CFAP20DC: variants seen among roughly 807,000 people sequenced by gnomAD.
CFAP20DC encodes CFAP20 domain containing, also known as protein CFAP20DC.
Under a neutral mutation model 101.7 loss-of-function variants are expected in CFAP20DC, and 84 were observed. The observed-to-expected ratio is 0.83, with a 90% CI of 0.69 to 0.99. The LOEUF (loss-of-function observed/expected upper bound fraction) is 0.99. Among genes scored for constraint, CFAP20DC ranks in the 50% least tolerant of loss-of-function variants. CFAP20DC has a pLI of 0.00. For synonymous variants in CFAP20DC, 359 were observed against 351.2 expected, an observed-to-expected ratio of 1.02 and a Z score of -0.25; for missense variants, 1,007 against 970.3, an observed-to-expected ratio of 1.04 and a Z score of -0.50.
chr3:58,944,325 G>T lies in CFAP20DC; in HGVS notation c.279-6563C>A, dbSNP rs1224196055. ...AAAAAATGTTAAGGGCAGCCAGAGA[G>T]AAGTAACTATTCTTAAATAGTTGTT... On this transcript the variant is annotated intron_variant, in intron 4 of 16. Coordinates refer to ENST00000482387, the MANE Select transcript of CFAP20DC (RefSeq NM_001394063.1). Among the ~76,000 whole-genome samples, 6 of 152,176 alleles carry T rather than the reference G, an allele frequency of 3.9e-5. No homozygotes were observed. The South Asian group carries it at 1.0e-3, about 26-fold the overall frequency.
chr3:58,979,678 T>C (rs1477690270), intron 4 of CFAP20DC, among the ~76,000 whole-genome samples: 1 of 152,192 alleles, frequency 6.6e-6, no homozygotes, highest in Non-Finnish European at 1.5e-5. Context: ...TTGTCAAAAA[T>C]TCAACTACGA....
chr3:58,841,067 A>G (rs1434420673), intron 13 of CFAP20DC, among the ~76,000 whole-genome samples: 2 of 152,234 alleles, frequency 1.3e-5, no homozygotes, highest in Non-Finnish European at 2.9e-5. Context: ...AATGACCTAG[A>G]GCAGCATGAG....
chr3:59,041,617 T>C (rs565415671), intron 3 of CFAP20DC, among the ~76,000 whole-genome samples: 1 of 152,264 alleles, frequency 6.6e-6, no homozygotes, highest in South Asian at 2.1e-4. Flanking sequence ...AAAATGTCCA[T>C]CAAGTACATA....
At chr3:58,945,782 C>T (rs865798595) in intron 4 of CFAP20DC, among the ~76,000 whole-genome samples, 6 of 150,930 alleles carry the variant, frequency 4.0e-5, no homozygotes, top group South Asian at 2.1e-4. Context: ...CTGCAACCTC[C>T]GCCTCCCTGG....
intron 4 of CFAP20DC, among the ~76,000 whole-genome samples, chr3:58,938,383 A>C (rs2088009886): frequency 6.6e-6 from 1 of 152,208 alleles, no homozygotes; most frequent in South Asian, 2.1e-4. Flanking sequence ...CACAAAGATT[A>C]GGTTTGCTTC....
intron 15 of CFAP20DC, among the ~76,000 whole-genome samples, chr3:58,761,489 C>A (rs1328992718): frequency 1.3e-5 from 2 of 152,156 alleles, no homozygotes; most frequent in African/African-American, 4.8e-5. Context: ...AAAACCAGCT[C>A]CTGGATTCAT....
At chr3:58,903,407 T>G (rs2083320918) in intron 6 of CFAP20DC, among the ~76,000 whole-genome samples, 1 of 152,202 alleles carries the variant, frequency 6.6e-6, no homozygotes, top group African/African-American at 2.4e-5. Flanking sequence ...TCTCCTTCTA[T>G]TAAATGGTCT....
chr3:58,789,266 T>C (rs1420517470), intron 15 of CFAP20DC, among the ~76,000 whole-genome samples: 3 of 152,170 alleles, frequency 2.0e-5, no homozygotes, highest in African/African-American at 7.2e-5. Context: ...GCCTTAAAAT[T>C]AGAATACAAA....
chr3:58,806,077 T>C (rs1026492219), intron 15 of CFAP20DC, among the ~76,000 whole-genome samples: 13 of 152,212 alleles, frequency 8.5e-5, no homozygotes, highest in African/African-American at 2.9e-4. Flanking sequence ...GAACTTGCCA[T>C]GTGCCAAGAA....
intron 12 of CFAP20DC, among the ~76,000 whole-genome samples, chr3:58,858,527 C>A (rs965064619): frequency 2.0e-5 from 3 of 151,996 alleles, no homozygotes; most frequent in Admixed American, 6.6e-5. Flanking sequence ...CAGATGGGAC[C>A]CAGGCTCTTT....
chr3:58,965,082 C>T (rs1447392419), intron 4 of CFAP20DC, among the ~76,000 whole-genome samples: 1 of 152,152 alleles, frequency 6.6e-6, no homozygotes, highest in Non-Finnish European at 1.5e-5. Flanking sequence ...TCTACCATTT[C>T]ATTTAAAAGG....
chr3:58,945,982 A>G (rs1348981635), intron 4 of CFAP20DC, among the ~76,000 whole-genome samples: 1 of 150,778 alleles, frequency 6.6e-6, no homozygotes, highest in Admixed American at 6.6e-5. Context: ...GGCATAAGCC[A>G]CCACGACCAG....
chr3:58,723,861 G>C (rs904989088), intron 3 of CFAP20DC, among the ~76,000 whole-genome samples: 5 of 152,160 alleles, frequency 3.3e-5, no homozygotes, highest in Non-Finnish European at 7.4e-5. Context: ...GTGGCATAGG[G>C]TTTAATAAAA....
intron 4 of CFAP20DC, among the ~76,000 whole-genome samples, chr3:58,974,949 C>G (rs1288761871): frequency 6.6e-6 from 1 of 152,174 alleles, no homozygotes; most frequent in Non-Finnish European, 1.5e-5. Flanking sequence ...CCCATGTCTC[C>G]TTTGCTGGCT....
intron 4 of CFAP20DC, among the ~76,000 whole-genome samples, chr3:58,981,812 C>T (rs2108508603): frequency 6.6e-6 from 1 of 152,230 alleles, no homozygotes; most frequent in Non-Finnish European, 1.5e-5. Flanking sequence ...GACTTCATGT[C>T]TAAAACACCA....
intron 4 of CFAP20DC, among the ~76,000 whole-genome samples, chr3:58,960,537 T>C (rs1422418236): frequency 2.0e-5 from 3 of 152,024 alleles, no homozygotes; most frequent in Non-Finnish European, 4.4e-5. Context: ...GATGATGTTA[T>C]TGTTACTGGG....
At chr3:58,893,200 C>T (rs555637227) in intron 6 of CFAP20DC, among the ~76,000 whole-genome samples, 24 of 152,040 alleles carry the variant, frequency 1.6e-4, no homozygotes, top group African/African-American at 2.2e-4. Context: ...CCTGCCACTA[C>T]GCCCAGCTAA....
intron 12 of CFAP20DC, chr3:58,862,267 A>T (rs760197171): frequency 3.2e-4 from 314 of 985,252 alleles, no homozygotes; most frequent in Non-Finnish European, 3.7e-4. Flanking sequence ...AATGAACTGA[A>T]TTAATCAGCC....
At chr3:58,745,758 A>T (rs1420094318) in intron 16 of CFAP20DC, among the ~76,000 whole-genome samples, 2 of 152,188 alleles carry the variant, frequency 1.3e-5, no homozygotes, top group East Asian at 3.8e-4. Context: ...GTGTGAAGAA[A>T]AGGCTTCATA....
Sources: allele counts gnomAD v4.1 joint callset (sites outside exome capture counted in the v4.1 genomes callset), GRCh38; gene constraint gnomAD v4.1.1; transcripts MANE v1.5; gene names NCBI Gene and HGNC (gene_info 2026-07-23, HGNC 2026-07-21).